Variants in SERINC5 observed in about 807,000 individuals in gnomAD.
The protein encoded by SERINC5 is chromosome 5 open reading frame 12.
Under a neutral mutation model 63.1 loss-of-function variants are expected in SERINC5, and 41 were observed. The ratio of observed to expected loss-of-function variants is 0.65; its 90% CI spans 0.51 to 0.84. The LOEUF (loss-of-function observed/expected upper bound fraction) is 0.84, where lower values mean the gene tolerates loss of function less well. SERINC5 is among the 40% of genes least tolerant of loss of function. SERINC5 has a pLI of 0.00. For missense variants in SERINC5, 523 were observed against 573.0 expected, an observed-to-expected ratio of 0.91 and a Z score of 0.89; for synonymous variants, 222 against 215.2, an observed-to-expected ratio of 1.03 and a Z score of -0.28.
rs116383351 is a variant in SERINC5 at position 80,175,580 on chromosome 5, G to A, written c.458-533C>T. On this transcript the variant is annotated intron_variant, in intron 4 of 11. Coordinates refer to ENST00000507668, the MANE Select transcript of SERINC5 (RefSeq NM_001174072.3). ...TTCCAATTTGTCTATAAAAATCACT[G>A]AGCTGGGGCTGGGCACAGTGGCTCA... Among the ~76,000 whole-genome samples, 1,407 of 152,166 alleles carry A rather than the reference G, an allele frequency of 9.2e-3. 18 individuals carry two copies. The highest frequency in any genetic ancestry group is 0.033 in the African/African-American group (1,352 of 41,496).
intron 1 of SERINC5, among the ~76,000 whole-genome samples, chr5:80,232,528 G>A (rs1187814545): frequency 2.6e-5 from 4 of 152,104 alleles, no homozygotes; most frequent in African/African-American, 9.7e-5. Flanking sequence ...GCTCACGCCT[G>A]TAATCCCAGC....
chr5:80,188,727 A>G lies in SERINC5; in HGVS notation c.196-10663T>C, dbSNP rs1748994553. ...ACAGTGAGAGACCCCGTCTCTACAA[A>G]AAGTAAAAAAATTGGCCAGGCATAG... On this transcript the variant is annotated intron_variant, in intron 2 of 11. Coordinates refer to ENST00000507668, the MANE Select transcript of SERINC5 (RefSeq NM_001174072.3). Among the ~76,000 whole-genome samples, 3 of 152,094 alleles carry G rather than the reference A, an allele frequency of 2.0e-5. No homozygotes were observed. The South Asian group carries it at 6.2e-4, about 32-fold the overall frequency.
downstream of SERINC5, among the ~76,000 whole-genome samples, chr5:80,137,138 TCAAAAAAAAAAAAAAAAAAAAAAAA>T (rs1745215588): frequency 3.3e-5 from 1 of 30,764 alleles, no homozygotes; most frequent in Admixed American, 4.9e-4. Flanking sequence ...AGACCCTGTC[TCAAAAAAAAAAAAAAAAAAAAAAAA>T]CAAAAAAAAC....
intron 7 of SERINC5, among the ~76,000 whole-genome samples, chr5:80,165,222 T>A (rs149034551): frequency 8.3e-4 from 126 of 151,348 alleles, no homozygotes; most frequent in African/African-American, 2.9e-3. Flanking sequence ...TAAATCCAGG[T>A]TAGGCAATAG....
intron 2 of SERINC5, among the ~76,000 whole-genome samples, chr5:80,185,154 C>T (rs767396938): frequency 2.0e-5 from 3 of 152,160 alleles, no homozygotes; most frequent in Non-Finnish European, 1.5e-5. Flanking sequence ...GGATTACATG[C>T]GTGAGCCACC....
chr5:80,224,915 C>A (rs1025342609), intron 1 of SERINC5, among the ~76,000 whole-genome samples: 1 of 141,040 alleles, frequency 7.1e-6, no homozygotes, highest in Admixed American at 7.2e-5. Flanking sequence ...TGAGCCATCA[C>A]GCCCAGCGTT....
intron 2 of SERINC5, among the ~76,000 whole-genome samples, chr5:80,191,599 C>G (rs143325363): frequency 8.0e-5 from 12 of 149,672 alleles, no homozygotes; most frequent in Non-Finnish European, 1.6e-4. Context: ...AGAGGTTAAG[C>G]CTGCAGTGAG....
chr5:80,148,985 G>C (rs1746001869), intron 9 of SERINC5, among the ~76,000 whole-genome samples: 1 of 152,170 alleles, frequency 6.6e-6, no homozygotes, highest in Non-Finnish European at 1.5e-5. Flanking sequence ...GGTATGCTGA[G>C]GTCTTAGTTA....
chr5:80,223,027 T>C (rs981520298), intron 1 of SERINC5, among the ~76,000 whole-genome samples: 1 of 152,090 alleles, frequency 6.6e-6, no homozygotes, highest in African/African-American at 2.4e-5. Flanking sequence ...GCTAATTTTT[T>C]TTATTTTTTT....
intron 9 of SERINC5, among the ~76,000 whole-genome samples, chr5:80,149,721 T>C (rs1746048717): frequency 6.6e-6 from 1 of 152,202 alleles, no homozygotes; most frequent in East Asian, 1.9e-4. Context: ...ATGGAGGTAA[T>C]AGCACGTCAC....
chr5:80,145,987 G>A (rs915939258), intron 11 of SERINC5, 103 bp downstream of exon 11: 38 of 1,271,286 alleles, frequency 3.0e-5, no homozygotes, highest in African/African-American at 7.4e-5. Flanking sequence ...TCCAGCCTGG[G>A]CAACAGAGTG....
intron 1 of SERINC5, among the ~76,000 whole-genome samples, chr5:80,214,377 T>C (rs779441414): frequency 3.6e-4 from 55 of 152,166 alleles, no homozygotes; most frequent in Admixed American, 1.2e-3. Flanking sequence ...CATCTTATAA[T>C]TAGAAAAACA....
intron 1 of SERINC5, among the ~76,000 whole-genome samples, chr5:80,244,464 C>T (rs373919816): frequency 1.3e-4 from 20 of 152,124 alleles, no homozygotes; most frequent in Middle Eastern, 3.4e-3. Context: ...GATACGCTGC[C>T]TCAGCCCCCC....
At chr5:80,125,977 T>C (rs1424362184) in intron 11 of SERINC5, among the ~76,000 whole-genome samples, 2 of 152,168 alleles carry the variant, frequency 1.3e-5, no homozygotes, top group Admixed American at 6.5e-5. Flanking sequence ...CTCACGCTGG[T>C]TCAGTTCAGA....
chr5:80,189,421 A>C (rs542903340), intron 2 of SERINC5, among the ~76,000 whole-genome samples: 2 of 152,208 alleles, frequency 1.3e-5, no homozygotes, highest in Non-Finnish European at 2.9e-5. Context: ...CAAAGACACA[A>C]ATCTATTTCT....
intron 1 of SERINC5, among the ~76,000 whole-genome samples, chr5:80,230,110 C>T (rs982247668): frequency 2.6e-5 from 4 of 152,130 alleles, no homozygotes; most frequent in African/African-American, 9.7e-5. Context: ...CTCTTGGAGG[C>T]TCAGCCTGCT....
intron 2 of SERINC5, among the ~76,000 whole-genome samples, chr5:80,195,162 T>C (rs879696575): frequency 1.3e-5 from 2 of 151,908 alleles, no homozygotes; most frequent in Non-Finnish European, 2.9e-5. Context: ...GGTGCATGCC[T>C]GTAATCCCAG....
downstream of SERINC5, among the ~76,000 whole-genome samples, chr5:80,134,093 A>G (rs1259491949): frequency 1.3e-5 from 2 of 152,300 alleles, no homozygotes; most frequent in East Asian, 3.9e-4. Flanking sequence ...ACAATTTCTA[A>G]TCTTGTAGCT....
rs901706321 is a variant in SERINC5, at chr5:80,142,587, T to C, written c.*1076A>G. ...ATCCTCACCTCAGAAATTCTCACATTAGCAAACCTACTCCAAGGATGCCAG... is the reference window on the plus strand; with the variant it reads ...ATCCTCACCTCAGAAATTCTCACATCAGCAAACCTACTCCAAGGATGCCAG... On this transcript the variant is annotated 3_prime_UTR_variant, in exon 12 of 12. Coordinates refer to ENST00000507668, the MANE Select transcript of SERINC5 (RefSeq NM_001174072.3). The C allele has an allele frequency of 1.0e-6, 1 of 985,290 alleles. No homozygotes were observed. The highest frequency in any genetic ancestry group is 1.7e-5 in the African/African-American group (1 of 57,230). The allele number at this position is 985,290 out of a possible 1,614,324, so 61.0% of individuals were successfully genotyped here.
Sources: gnomAD v4.1 joint callset for allele counts (sites outside exome capture counted in the v4.1 genomes callset) on GRCh38, gnomAD v4.1.1 for gene constraint, MANE v1.5 for transcripts, NCBI Gene and HGNC (gene_info 2026-07-23, HGNC 2026-07-21) for gene names.